MYO10: variants seen among roughly 807,000 people sequenced by gnomAD.
MYO10 encodes the protein unconventional myosin-X.
Under a neutral mutation model 257.3 loss-of-function variants are expected in MYO10, and 133 were observed. The observed-to-expected ratio is 0.52, with a 90% CI of 0.45 to 0.60. MYO10 has a LOEUF of 0.60. Ranked by LOEUF, MYO10 falls within the 20% of genes least tolerant of loss-of-function variation. The pLI is 0.00. For synonymous variants in MYO10, 1,104 were observed against 1,028.6 expected, an observed-to-expected ratio of 1.07 and a Z score of -1.40; for missense variants, 2,399 against 2,635.7, an observed-to-expected ratio of 0.91 and a Z score of 1.97.
At chr5:16,823,307 T>C (rs901247794) in intron 2 of MYO10, among the ~76,000 whole-genome samples, 4 of 147,784 alleles carry the variant, frequency 2.7e-5, no homozygotes, top group African/African-American at 9.9e-5. Flanking sequence ...TAGCCAGGCA[T>C]GGTGGCACGT....
At chr5:16,836,410 G>A (rs1407281884) in intron 2 of MYO10, among the ~76,000 whole-genome samples, 1 of 152,174 alleles carries the variant, frequency 6.6e-6, no homozygotes, top group Non-Finnish European at 1.5e-5. Context: ...CCAGTGGTTT[G>A]CATCTTCATC....
intron 29 of MYO10, among the ~76,000 whole-genome samples, chr5:16,685,167 G>A (rs2126507612): frequency 6.6e-6 from 1 of 152,276 alleles, no homozygotes; most frequent in Middle Eastern, 3.4e-3. Context: ...AAAGGTTTGA[G>A]GTGAGAGAAC....
intron 14 of MYO10, 33 bp downstream of exon 14, chr5:16,763,448 T>C: frequency 1.9e-6 from 3 of 1,550,658 alleles, no homozygotes; most frequent in Non-Finnish European, 2.7e-6. Context: ...TGGACCCCCT[T>C]GGGACTGTAA....
Position 16,704,674 on chromosome 5 carries a change from T to C in MYO10, c.2181A>G (p.Arg727=), listed in dbSNP as rs759345150. 10 of 1,613,738 alleles carry C rather than the reference T, an allele frequency of 6.2e-6. No individual in the cohort carries two copies. Among genetic ancestry groups the C allele is most frequent in the Non-Finnish European group, 8.5e-6 (10 of 1,179,828 alleles). The change falls in exon 22 of 41, where the codon CGA becomes CGG. Residue 727 remains arginine (R), a synonymous_variant. Transcript: ENST00000513610. The stretch of plus-strand genomic sequence containing the variant: ...TCTCCAGTTTCTGTTCCAAGGATTC[T>C]CGAAGAAAGACCTGCTCAGGACGGA... ...WQLGKTKVFL[R]ESLEQKLEKR...
rs184492244 is a variant in MYO10 at position 16,920,801 on chromosome 5, A to G, written c.21+14987T>C. On this transcript the variant is annotated intron_variant, in intron 1 of 40. Transcript: ENST00000513610. ...CTCTGTACTATTTGGGTGACTTCTG[A>G]ATCTAGACTTCTTTTTAAAATGGAT... 5.7e-4 allele frequency among the ~76,000 whole-genome samples: 87 copies of G among 152,270 alleles called. 1 individual carries two copies. In the East Asian group the frequency reaches 0.014, roughly 25 times the overall value.
Position 16,673,904 on chromosome 5 carries a change from C to CT in MYO10, c.4965-16dup. 6.2e-7 allele frequency: 1 copy of CT among 1,611,852 alleles called. No homozygotes were observed. The highest frequency in any genetic ancestry group is 8.5e-7 in the Non-Finnish European group (1 of 1,178,300). ...GTTCCCGTATCCTAGGAGGCAAACACTAACTGTTAATTTTTAGACTGATGG... is the reference window on the plus strand; with the variant it reads ...GTTCCCGTATCCTAGGAGGCAAACACTTAACTGTTAATTTTTAGACTGATGG... On this transcript the variant is annotated splice_polypyrimidine_tract_variant and intron_variant, in intron 35 of 40. Coordinates refer to ENST00000513610, the MANE Select transcript of MYO10 (RefSeq NM_012334.3).
chr5:16,915,978 AT>A, intron 1 of MYO10: 4 of 416,086 alleles, frequency 9.6e-6, no homozygotes, highest in South Asian at 3.3e-5. Flanking sequence ...AAAAAAAAAA[AT>A]CACTCACCAT....
intron 24 of MYO10, among the ~76,000 whole-genome samples, chr5:16,702,220 G>T (rs1269830464): frequency 2.0e-5 from 3 of 152,174 alleles, no homozygotes; most frequent in Non-Finnish European, 4.4e-5. Flanking sequence ...TTGCAGTTCC[G>T]GCCTCCAGAG....
chr5:16,802,380 C>A lies in MYO10; in HGVS notation c.280-7547G>T, dbSNP rs187706506. Among the ~76,000 whole-genome samples, 166 of 151,840 alleles carry A rather than the reference C, an allele frequency of 1.1e-3. No individual in the cohort carries two copies. The Middle Eastern group carries it at 0.027, about 25-fold the overall frequency. ...GTTTAATAAAGAAAAAAATAGGAGC[C>A]GGGTGCAGTGGCTCATGCCTGTAAT... On this transcript the variant is annotated intron_variant, in intron 3 of 40. Transcript: ENST00000513610.
chr5:16,877,777 T>TTACC, intron 1 of MYO10, 70 bp from the exon 2 acceptor site: 1 of 1,128,424 alleles, frequency 8.9e-7, no homozygotes, highest in Non-Finnish European at 1.3e-6. Context: ...ACTGTCGAAA[T>TTACC]TACCCTAACT....
intron 29 of MYO10, among the ~76,000 whole-genome samples, chr5:16,685,045 CA>C (rs371145574): frequency 8.1e-4 from 111 of 137,380 alleles, no homozygotes; most frequent in Admixed American, 1.4e-3. Flanking sequence ...GACTCCATCT[CA>C]AAAAAAAAAA....
chr5:16,794,383 T>TA lies in MYO10; in HGVS notation c.467+262dup, dbSNP rs58577651. ...TAATTAAGGCAAATAAATGTTGCTT[T>TA]AAAAAAAAAAAAAAAAAAAAGGAAC... On this transcript the variant is annotated intron_variant, in intron 4 of 40. Coordinates refer to ENST00000513610, the MANE Select transcript of MYO10 (RefSeq NM_012334.3). Among the ~76,000 whole-genome samples, 202 of 140,620 alleles carry TA rather than the reference T, an allele frequency of 1.4e-3. 1 individual carries two copies. Among genetic ancestry groups the TA allele is most frequent in the Admixed American group, 4.6e-3 (65 of 14,214 alleles). 92.3% of individuals were successfully genotyped at this position (140,620 alleles called of 152,430 possible).
chr5:16,861,676 C>T (rs1744113734), intron 2 of MYO10, among the ~76,000 whole-genome samples: 1 of 152,132 alleles, frequency 6.6e-6, no homozygotes, highest in African/African-American at 2.4e-5. Flanking sequence ...AATGTCATTG[C>T]AAGAAAGCGG....
intron 31 of MYO10, 79 bp downstream of exon 31, chr5:16,681,792 T>C: frequency 6.8e-7 from 1 of 1,474,682 alleles, no homozygotes; most frequent in Non-Finnish European, 9.1e-7. Context: ...CAGCTCGAAA[T>C]GAAAATGCTG....
intron 3 of MYO10, among the ~76,000 whole-genome samples, chr5:16,808,521 T>C (rs973278933): frequency 2.6e-5 from 4 of 152,062 alleles, no homozygotes; most frequent in African/African-American, 7.2e-5. Context: ...TTTTTAAAAA[T>C]CGTGAAGCAT....
chr5:16,840,023 G>A (rs1352271034), intron 2 of MYO10, among the ~76,000 whole-genome samples: 2 of 152,198 alleles, frequency 1.3e-5, no homozygotes, highest in African/African-American at 2.4e-5. Flanking sequence ...TGCAGTGAAA[G>A]ATGGGCTGAC....
intron 1 of MYO10, among the ~76,000 whole-genome samples, chr5:16,913,895 G>A (rs1745741219): frequency 6.6e-6 from 1 of 152,180 alleles, no homozygotes; most frequent in East Asian, 1.9e-4. Flanking sequence ...AGGAGAGGGA[G>A]CCAAGAGGCA....
intron 1 of MYO10, among the ~76,000 whole-genome samples, chr5:16,893,121 TG>T (rs1745111091): frequency 7.3e-6 from 1 of 136,612 alleles, no homozygotes. Context: ...GGCTTGAACC[TG>T]GGAGGCGGAG....
chr5:16,929,142 T>G (rs249136), intron 1 of MYO10, among the ~76,000 whole-genome samples: 6 of 151,302 alleles, frequency 4.0e-5, no homozygotes, highest in South Asian at 4.2e-4. Flanking sequence ...TTAGTAGAGA[T>G]GGGGGTTTCA....
Sources: gnomAD v4.1 joint callset for allele counts (sites outside exome capture counted in the v4.1 genomes callset) on GRCh38, gnomAD v4.1.1 for gene constraint, MANE v1.5 for transcripts, NCBI Gene and HGNC (gene_info 2026-07-23, HGNC 2026-07-21) for gene names.